TFDP2: variants seen among roughly 807,000 people sequenced by gnomAD.
TFDP2 encodes the protein transcription factor Dp-2 (E2F dimerization partner 2).
TFDP2 carries 17 observed loss-of-function variants against 59.3 expected under a neutral mutation model. The ratio of observed to expected loss-of-function variants is 0.29; its 90% confidence interval spans 0.20 to 0.43. TFDP2 has a LOEUF of 0.43. TFDP2 is among the 20% of genes least tolerant of loss of function. The probability of loss-of-function intolerance (pLI) is 1.00; values close to 1 mark genes in which losing one functional copy is unlikely to be tolerated. For synonymous variants in TFDP2, 180 were observed against 194.7 expected (o/e 0.92, Z 0.63); for missense variants, 391 against 528.8 (o/e 0.74, Z 2.56).
At chr3:142,114,852 T>C (rs1329759680) in intron 1 of TFDP2, among the ~76,000 whole-genome samples, 7 of 152,126 alleles carry the variant, frequency 4.6e-5, no homozygotes, top group East Asian at 1.9e-4. Context: ...TGTATATGCA[T>C]AGATGTATAT....
In TFDP2 at chr3:141,978,982, A is replaced by G. The variant is rs115005055; in HGVS notation, c.357-300T>C. On this transcript the variant is annotated intron_variant, in intron 6 of 12. Coordinates refer to ENST00000489671, the MANE Select transcript of TFDP2 (RefSeq NM_001178139.2). ...GACACTGAGAATAAGTCAGTGAAAA[A>G]ACACAAAAACTCTGCCCTTGTACAG... Among the ~76,000 whole-genome samples, 974 of 152,322 alleles carry G rather than the reference A, an allele frequency of 6.4e-3. 9 individuals carry two copies. Among genetic ancestry groups the G allele is most frequent in the African/African-American group, 0.021 (877 of 41,572 alleles).
At chr3:142,044,113 G>A (rs561067060) in intron 3 of TFDP2, 32 of 621,448 alleles carry the variant, frequency 5.1e-5, no homozygotes, top group Non-Finnish European at 9.2e-5. Context: ...AATTTCACTG[G>A]TCTCATTCGG....
chr3:142,080,636 T>C (rs1357985988), intron 3 of TFDP2, among the ~76,000 whole-genome samples: 1 of 152,022 alleles, frequency 6.6e-6, no homozygotes, highest in Admixed American at 6.6e-5. Flanking sequence ...TGCAGATATA[T>C]GAAGAGATGC....
chr3:142,123,268 G>A (rs961330516), intron 1 of TFDP2, among the ~76,000 whole-genome samples: 11 of 152,192 alleles, frequency 7.2e-5, no homozygotes, highest in Non-Finnish European at 1.6e-4. Context: ...CCGAGTAGCT[G>A]GGACTACAGG....
intron 3 of TFDP2, among the ~76,000 whole-genome samples, chr3:142,058,976 C>T (rs189067843): frequency 1.1e-4 from 17 of 152,234 alleles, no homozygotes; most frequent in African/African-American, 3.9e-4. Flanking sequence ...CTAGGGGACC[C>T]CAGTCAACAA....
intron 9 of TFDP2, 44 bp downstream of exon 9, chr3:141,970,029 G>A: frequency 3.8e-6 from 6 of 1,570,732 alleles, no homozygotes; most frequent in Non-Finnish European, 5.3e-6. Flanking sequence ...AAGGCAGCAA[G>A]TGGAGAAACA....
At chr3:141,964,000 C>A in intron 9 of TFDP2, 37 bp from the exon 10 acceptor site, 2 of 1,574,536 alleles carry the variant, frequency 1.3e-6, no homozygotes, top group Non-Finnish European at 1.7e-6. Flanking sequence ...GTCAATTGTG[C>A]ATAAGTGAGT....
At chr3:142,145,104 A>G (rs1314255283) in intron 1 of TFDP2, among the ~76,000 whole-genome samples, 1 of 152,212 alleles carries the variant, frequency 6.6e-6, no homozygotes, top group African/African-American at 2.4e-5. Flanking sequence ...ACAAGCATTG[A>G]TATCTTGTGC....
chr3:141,967,288 G>GTT (rs200530270), intron 9 of TFDP2, among the ~76,000 whole-genome samples: 11 of 145,308 alleles, frequency 7.6e-5, no homozygotes, highest in Non-Finnish European at 9.1e-5. Context: ...GAGGAAATAA[G>GTT]TTTTTTGTTT....
chr3:142,030,237 T>C (rs1387032309), intron 3 of TFDP2, among the ~76,000 whole-genome samples: 1 of 152,210 alleles, frequency 6.6e-6, no homozygotes, highest in East Asian at 1.9e-4. Context: ...TAAACACGTG[T>C]TAGTATAAAC....
At chr3:142,095,852 A>T (rs1204817543) in intron 2 of TFDP2, among the ~76,000 whole-genome samples, 1 of 152,226 alleles carries the variant, frequency 6.6e-6, no homozygotes, top group Non-Finnish European at 1.5e-5. Context: ...AGGCAAAGAC[A>T]GCCTTTAATA....
intron 10 of TFDP2, among the ~76,000 whole-genome samples, chr3:141,961,767 A>G (rs1937390007): frequency 6.6e-6 from 1 of 152,150 alleles, no homozygotes; most frequent in Non-Finnish European, 1.5e-5. Context: ...AGAAACTTAG[A>G]AGATTAAAAA....
intron 3 of TFDP2, among the ~76,000 whole-genome samples, chr3:142,042,982 T>C (rs1421321602): frequency 6.6e-6 from 1 of 152,042 alleles, no homozygotes; most frequent in Non-Finnish European, 1.5e-5. Flanking sequence ...CCTCAGGTGA[T>C]CTGCCCGCCT....
At chr3:142,035,968 C>T (rs1193779795) in intron 3 of TFDP2, among the ~76,000 whole-genome samples, 1 of 152,210 alleles carries the variant, frequency 6.6e-6, no homozygotes, top group African/African-American at 2.4e-5. Context: ...AAGTTCTTGA[C>T]TTCTCAAAGT....
intron 1 of TFDP2, among the ~76,000 whole-genome samples, chr3:142,113,635 T>C (rs2061740416): frequency 6.6e-6 from 1 of 152,134 alleles, no homozygotes; most frequent in Non-Finnish European, 1.5e-5. Flanking sequence ...TATGCAAGCA[T>C]GAAATGTTCA....
At chr3:142,010,891 T>C (rs1944616938) in intron 3 of TFDP2, among the ~76,000 whole-genome samples, 1 of 130,784 alleles carries the variant, frequency 7.6e-6, no homozygotes, top group South Asian at 2.7e-4. Flanking sequence ...CACTATGAGA[T>C]ACCATCTCAC....
chr3:141,996,235 T>C (rs983387542), intron 4 of TFDP2, among the ~76,000 whole-genome samples: 1 of 152,144 alleles, frequency 6.6e-6, no homozygotes, highest in African/African-American at 2.4e-5. Flanking sequence ...ACAAAAAAAC[T>C]AGCAGCCTAG....
intron 1 of TFDP2, among the ~76,000 whole-genome samples, chr3:142,125,392 A>G (rs1265176084): frequency 6.6e-6 from 1 of 152,222 alleles, no homozygotes; most frequent in Admixed American, 6.5e-5. Flanking sequence ...ATAAACAGGC[A>G]TAATCTTTTA....
intron 6 of TFDP2, among the ~76,000 whole-genome samples, chr3:141,984,344 A>G (rs1488194384): frequency 4.6e-5 from 7 of 152,148 alleles, no homozygotes; most frequent in Non-Finnish European, 1.0e-4. Flanking sequence ...CTAAAAATAC[A>G]AAAATTAGCT....
Sources: gnomAD v4.1 joint callset for allele counts (sites outside exome capture counted in the v4.1 genomes callset) on GRCh38, gnomAD v4.1.1 for gene constraint, MANE v1.5 for transcripts, NCBI Gene and HGNC (gene_info 2026-07-23, HGNC 2026-07-21) for gene names.